Variants in SETDB2 observed in about 807,000 individuals in gnomAD.
SETDB2 encodes the protein histone-lysine N-methyltransferase SETDB2.
Under a neutral mutation model 82.5 loss-of-function variants are expected in SETDB2, and 56 were observed. The observed-to-expected ratio is 0.68, with a 90% CI of 0.55 to 0.85. The LOEUF is 0.85. SETDB2 is among the 40% of genes least tolerant of loss of function. The pLI, the probability that SETDB2 is intolerant of heterozygous loss-of-function variation, is 0.00. For synonymous variants in SETDB2, 272 were observed against 284.9 expected, an observed-to-expected ratio of 0.95 and a Z score of 0.46; for missense variants, 677 against 816.4, an observed-to-expected ratio of 0.83 and a Z score of 2.08.
chr13:49,460,243 A>AT lies in SETDB2; in HGVS notation c.142+12dup. 6.2e-7 allele frequency: 1 copy of AT among 1,609,826 alleles called. No individual in the cohort carries two copies. Among genetic ancestry groups the AT allele is most frequent in the African/African-American group, 1.3e-5 (1 of 74,832 alleles). ...CTGCCACCAATAAAGGTATGAAGCA[A>AT]TAAAAACTTTGAATATGTTTAATAC... On this transcript the variant is annotated intron_variant, in intron 3 of 13. Coordinates refer to ENST00000611815, the MANE Select transcript of SETDB2 (RefSeq NM_001160308.3).
rs775302281 is a variant in SETDB2 at position 49,491,833 on chromosome 13, G to GA, written c.2116dup (p.Ile706AsnfsTer6). Reference sequence around the variant, plus strand: ...TGCCAATGTGGGGTTAATAAATGTAGAAAAAAAATATTATAAATATGTAAC... The same window carrying GA: ...TGCCAATGTGGGGTTAATAAATGTAGAAAAAAAAATATTATAAATATGTAAC... On this transcript the variant is annotated frameshift_variant, in exon 14 of 14. Transcript: ENST00000611815. LOFTEE classifies it high-confidence loss of function. 17 of 1,605,938 alleles carry GA rather than the reference G, an allele frequency of 1.1e-5. No homozygotes were observed. Among genetic ancestry groups the GA allele is most frequent in the Non-Finnish European group, 1.4e-5 (16 of 1,173,434 alleles).
intron 2 of SETDB2, among the ~76,000 whole-genome samples, chr13:49,459,688 T>A (rs1043844914): frequency 5.9e-5 from 9 of 152,172 alleles, no homozygotes; most frequent in African/African-American, 1.7e-4. Flanking sequence ...AAGACTTTTT[T>A]AAAAAGCAGT....
At chr13:49,481,292 C>G (rs1254092286) in intron 8 of SETDB2, among the ~76,000 whole-genome samples, 176 bp downstream of exon 8, 4 of 152,052 alleles carry the variant, frequency 2.6e-5, no homozygotes, top group Non-Finnish European at 5.9e-5. Flanking sequence ...AGATGAGATG[C>G]TTAGGAGGTA....
chr13:49,484,919 G>A (rs376645046), intron 10 of SETDB2, among the ~76,000 whole-genome samples: 4 of 152,284 alleles, frequency 2.6e-5, no homozygotes, highest in Admixed American at 6.5e-5. Flanking sequence ...GCTCTGCTGC[G>A]TGCTAGCTGG....
Position 49,493,782 on chromosome 13 carries a change from T to C in SETDB2, c.*1933T>C, listed in dbSNP as rs1240685232. 6.6e-6 allele frequency: 1 copy of C among 152,260 alleles called. No individual in the cohort carries two copies. Among genetic ancestry groups the C allele is most frequent in the East Asian group, 1.9e-4 (1 of 5,208 alleles). 9.4% of individuals were successfully genotyped at this position (152,260 alleles called of 1,614,324 possible). ...CTTTCAGTGCTGTTGCTGTGGAGTC[T>C]GAAAATCTGTCTTCTGGCTTCCAGG... On this transcript the variant is annotated 3_prime_UTR_variant, in exon 14 of 14. Coordinates refer to ENST00000611815, the MANE Select transcript of SETDB2 (RefSeq NM_001160308.3).
intron 5 of SETDB2, among the ~76,000 whole-genome samples, chr13:49,471,948 TTA>T: frequency 7.3e-6 from 1 of 137,548 alleles, no homozygotes; most frequent in Non-Finnish European, 1.6e-5. Flanking sequence ...TTTTTTTTTT[TTA>T]AATAGAGACA....
intron 1 of SETDB2, among the ~76,000 whole-genome samples, chr13:49,450,765 A>G (rs1175028682): frequency 1.3e-5 from 2 of 152,064 alleles, no homozygotes; most frequent in Admixed American, 6.5e-5. Context: ...TATCTTGACT[A>G]ACATCTTGAG....
chr13:49,491,048 T>C lies in SETDB2; in HGVS notation c.2006+138T>C, dbSNP rs1958701481. 29 of 576,402 alleles carry C rather than the reference T, an allele frequency of 5.0e-5. No individual in the cohort carries two copies. In the South Asian group the frequency reaches 7.3e-4, roughly 15 times the overall value. 35.7% of individuals were successfully genotyped at this position (576,402 alleles called of 1,614,324 possible). On this transcript the variant is annotated intron_variant, in intron 13 of 13. Transcript: ENST00000611815. ...TGGGGAGACTGCTTGAGCTCAGGAG[T>C]TTAAGACCAGCCAGAGCCACATGGC...
At chr13:49,483,342 C>A in intron 9 of SETDB2, 122 bp from the exon 10 acceptor site, 1 of 434,320 alleles carries the variant, frequency 2.3e-6, no homozygotes, top group Non-Finnish European at 4.1e-6. Flanking sequence ...CATAGATGTT[C>A]TTACTTAGGT....
chr13:49,468,307 C>T (rs1958156659), intron 5 of SETDB2, among the ~76,000 whole-genome samples: 2 of 152,000 alleles, frequency 1.3e-5, no homozygotes, highest in African/African-American at 4.8e-5. Flanking sequence ...ATGTTTCTTT[C>T]AGTATCAGTT....
At position 49,451,875 on chromosome 13, in the gene SETDB2, T is replaced by A; in HGVS notation, c.-19T>A. 1 of 1,591,466 alleles carries A rather than the reference T, an allele frequency of 6.3e-7. No homozygotes were observed. Among genetic ancestry groups the A allele is most frequent in the Non-Finnish European group, 8.6e-7 (1 of 1,164,266 alleles). On this transcript the variant is annotated 5_prime_UTR_variant, in exon 2 of 14. Coordinates refer to ENST00000611815, the MANE Select transcript of SETDB2 (RefSeq NM_001160308.3). ...AACCTAATTTTGAAGCATTTTATAT[T>A]TATAAGCGACATCAAAAGATGGGAG...
chr13:49,467,691 T>G (rs950381042), intron 4 of SETDB2, among the ~76,000 whole-genome samples, 173 bp from the exon 5 acceptor site: 1 of 152,238 alleles, frequency 6.6e-6, no homozygotes, highest in Non-Finnish European at 1.5e-5. Context: ...TTTATTCATA[T>G]TTTTGAAAAT....
Position 49,483,532 on chromosome 13 carries a change from C to A in SETDB2, c.1451C>A (p.Thr484Lys). The A allele has an allele frequency of 6.7e-7, 1 of 1,487,206 alleles. No individual in the cohort carries two copies. Among genetic ancestry groups the A allele is most frequent in the Non-Finnish European group, 9.1e-7 (1 of 1,101,874 alleles). The allele number at this position is 1,487,206 out of a possible 1,614,324, so 92.1% of individuals were successfully genotyped here. Residue 484 changes from threonine to lysine, a missense_variant, in exon 10 of 14, where the codon ACA becomes AAA. Coordinates refer to ENST00000611815, the MANE Select transcript of SETDB2 (RefSeq NM_001160308.3). The stretch of plus-strand genomic sequence containing the variant: ...GTTATTAGAGATCCTGAATCCAAGA[C>A]AGCCATTTTTCAACACAATGGGAAA... ...HSVIRDPESK[T>K]AIFQHNGKKM...
At chr13:49,461,944 G>C (rs140086084) in intron 4 of SETDB2, among the ~76,000 whole-genome samples, 1 of 152,144 alleles carries the variant, frequency 6.6e-6, no homozygotes, top group Non-Finnish European at 1.5e-5. Context: ...ACTATTACCA[G>C]TTTATTATAA....
intron 5 of SETDB2, among the ~76,000 whole-genome samples, chr13:49,475,588 G>A (rs567562745): frequency 6.6e-6 from 1 of 151,712 alleles, no homozygotes; most frequent in African/African-American, 2.4e-5. Flanking sequence ...CCGAGTCCAA[G>A]TGATCATCCC....
chr13:49,476,422 A>G, intron 5 of SETDB2, 54 bp from the exon 6 acceptor site: 1 of 1,186,886 alleles, frequency 8.4e-7, no homozygotes, highest in Non-Finnish European at 1.2e-6. Flanking sequence ...GTTTTTTTAA[A>G]ATGAGGAATT....
intron 4 of SETDB2, among the ~76,000 whole-genome samples, chr13:49,463,393 T>A (rs1958037152): frequency 6.6e-6 from 1 of 152,198 alleles, no homozygotes; most frequent in South Asian, 2.1e-4. Flanking sequence ...GGATCTTTAT[T>A]GAGTGCACTC....
chr13:49,489,596 C>T (rs201691496), intron 12 of SETDB2, among the ~76,000 whole-genome samples: 52 of 100,502 alleles, frequency 5.2e-4, no homozygotes, highest in South Asian at 7.2e-4. Context: ...CATATTTATT[C>T]TTTTTTTTTT....
At position 49,494,768 on chromosome 13, in the gene SETDB2, C is replaced by G. The variant is rs1026233926; in HGVS notation, c.*2919C>G. Reference sequence around the variant, plus strand: ...TACAAATTGTCCTTTTTAATGTTCTCTCTTCTGCTATCCCTAGTTGGCAGT... The same window carrying G: ...TACAAATTGTCCTTTTTAATGTTCTGTCTTCTGCTATCCCTAGTTGGCAGT... On this transcript the variant is annotated 3_prime_UTR_variant, in exon 14 of 14. Transcript: ENST00000611815. The G allele has an allele frequency of 6.6e-6, 1 of 152,218 alleles. No individual in the cohort carries two copies. Among genetic ancestry groups the G allele is most frequent in the Non-Finnish European group, 1.5e-5 (1 of 68,034 alleles). The allele number at this position is 152,218 out of a possible 1,614,324, so 9.4% of individuals were successfully genotyped here.
Sources: gnomAD v4.1 joint callset for allele counts (sites outside exome capture counted in the v4.1 genomes callset) on GRCh38, gnomAD v4.1.1 for gene constraint, MANE v1.5 for transcripts, NCBI Gene and HGNC (gene_info 2026-07-23, HGNC 2026-07-21) for gene names.